The following GPHN variants were observed in gnomAD, a reference collection of about 807,000 sequenced individuals.
The protein encoded by GPHN is gephyrin.
A neutral mutation model predicts 95.5 loss-of-function variants in GPHN; 17 were observed. The observed-to-expected ratio is 0.18, with a 90% CI of 0.12 to 0.27. GPHN has a LOEUF of 0.27. Ranked by LOEUF, GPHN falls within the 10% of genes least tolerant of loss-of-function variation. The pLI is 1.00. For synonymous variants in GPHN, 320 were observed against 322.5 expected (o/e 0.99, Z 0.08); for missense variants, 660 against 978.1 (o/e 0.67, Z 4.34).
At position 66,543,538 on chromosome 14, in the gene GPHN, A is replaced by T. The variant is rs189919470; in HGVS notation, c.64+34947A>T. On this transcript the variant is annotated intron_variant, in intron 1 of 22. Coordinates refer to ENST00000478722, the MANE Select transcript of GPHN (RefSeq NM_020806.5). ...GAAACTATTCCTGAATTGTACACAT[A>T]TATACACCTATGTCTGTATCTACTT... is the stretch of plus-strand genomic sequence containing the variant. 7.3e-4 allele frequency among the ~76,000 whole-genome samples: 111 copies of T among 152,344 alleles called. 3 individuals carry two copies. The highest frequency in any genetic ancestry group is 7.3e-3 in the Admixed American group (111 of 15,306).
At chr14:67,482,624 TG>T in the GPHN span, among the ~76,000 whole-genome samples, 4 of 152,204 alleles carry the variant, frequency 2.6e-5, no homozygotes, top group East Asian at 7.7e-4. Context: ...CAGGAGCCCT[TG>T]GGCGGCTCTG....
At chr14:67,612,008 T>C in the GPHN span, among the ~76,000 whole-genome samples, 6 of 152,120 alleles carry the variant, frequency 3.9e-5, no homozygotes, top group African/African-American at 1.2e-4. Context: ...GCAGCCTAGA[T>C]CCCTCACATG....
chr14:67,674,439 G>A, the GPHN span: 14 of 1,609,702 alleles, frequency 8.7e-6, no homozygotes, highest in Non-Finnish European at 1.1e-5. Flanking sequence ...GGCCGCGGAA[G>A]ATCTCGTGCA....
chr14:66,816,418 G>A (rs2060967715), intron 3 of GPHN, among the ~76,000 whole-genome samples: 1 of 152,064 alleles, frequency 6.6e-6, no homozygotes, highest in South Asian at 2.1e-4. Flanking sequence ...ACGCTCTTGA[G>A]GAAATACAAA....
the GPHN span, chr14:67,225,110 C>A: frequency 6.4e-7 from 1 of 1,555,470 alleles, no homozygotes; most frequent in Non-Finnish European, 8.7e-7. Flanking sequence ...TTTCTTTTTT[C>A]CCTCTAGTTC....
At chr14:67,528,570 T>C in the GPHN span, among the ~76,000 whole-genome samples, 3 of 152,320 alleles carry the variant, frequency 2.0e-5, no homozygotes, top group South Asian at 4.1e-4. Flanking sequence ...TAAAATGATC[T>C]AGAATTGCAG....
chr14:67,432,167 A>G, the GPHN span, among the ~76,000 whole-genome samples: 8 of 152,224 alleles, frequency 5.3e-5, no homozygotes, highest in African/African-American at 1.9e-4. Context: ...GTCGGATCCC[A>G]GCAACAACTC....
intron 11 of GPHN, among the ~76,000 whole-genome samples, chr14:67,067,323 G>T (rs545744364): frequency 6.6e-6 from 1 of 152,256 alleles, no homozygotes; most frequent in South Asian, 2.1e-4. Flanking sequence ...TCCTCTGGAA[G>T]CTTCATCCCA....
intron 5 of GPHN, among the ~76,000 whole-genome samples, chr14:66,904,886 A>G (rs2065300407): frequency 6.6e-6 from 1 of 152,042 alleles, no homozygotes; most frequent in African/African-American, 2.4e-5. Flanking sequence ...TGATTATTGT[A>G]TGCCTTGGAG....
chr14:67,182,103 AT>A (rs1390294218), downstream of GPHN, among the ~76,000 whole-genome samples: 1 of 152,218 alleles, frequency 6.6e-6, no homozygotes, highest in Admixed American at 6.5e-5. Context: ...TAGAAAAAAA[AT>A]AATTCTTATT....
chr14:66,541,756 A>G (rs188158814), intron 1 of GPHN, among the ~76,000 whole-genome samples: 5 of 152,312 alleles, frequency 3.3e-5, no homozygotes, highest in Admixed American at 2.6e-4. Context: ...TTAGTTTTGC[A>G]TTAGGTTCAT....
At chr14:67,636,390 C>A in the GPHN span, among the ~76,000 whole-genome samples, 1 of 152,238 alleles carries the variant, frequency 6.6e-6, no homozygotes, top group Non-Finnish European at 1.5e-5. Flanking sequence ...GAAATTCTTC[C>A]TCTGCAATGT....
At chr14:67,232,844 G>C in the GPHN span, among the ~76,000 whole-genome samples, 2 of 152,148 alleles carry the variant, frequency 1.3e-5, no homozygotes, top group Non-Finnish European at 2.9e-5. Context: ...CTTGTGTGCT[G>C]TTCTGCCTTC....
At chr14:66,559,761 A>G (rs914592414) in intron 1 of GPHN, among the ~76,000 whole-genome samples, 1 of 151,590 alleles carries the variant, frequency 6.6e-6, no homozygotes, top group Non-Finnish European at 1.5e-5. Flanking sequence ...CCATTTGTCA[A>G]TTTTGGCTTT....
chr14:67,364,914 T>C, the GPHN span: 1 of 1,613,968 alleles, frequency 6.2e-7, no homozygotes, highest in African/African-American at 1.3e-5. Context: ...TTCTTCTTAG[T>C]GAATTATCCA....
At chr14:66,780,455 AT>A (rs1031381154) in intron 3 of GPHN, among the ~76,000 whole-genome samples, 1 of 152,058 alleles carries the variant, frequency 6.6e-6, no homozygotes, top group Non-Finnish European at 1.5e-5. Flanking sequence ...ATATTATTTA[AT>A]TAGTTTAATT....
At chr14:67,132,980 C>T (rs1014893000) in intron 17 of GPHN, among the ~76,000 whole-genome samples, 3 of 151,872 alleles carry the variant, frequency 2.0e-5, no homozygotes, top group African/African-American at 7.3e-5. Flanking sequence ...GTTTTCTGCA[C>T]TAGCTTATAA....
chr14:67,466,648 C>A, the GPHN span, among the ~76,000 whole-genome samples: 32 of 152,172 alleles, frequency 2.1e-4, no homozygotes, highest in Non-Finnish European at 4.6e-4. Context: ...GCACTGTACC[C>A]AGCTAGGCAC....
intron 17 of GPHN, among the ~76,000 whole-genome samples, chr14:67,139,308 C>T (rs1478575428): frequency 1.3e-5 from 2 of 151,996 alleles, no homozygotes; most frequent in Admixed American, 1.3e-4. Context: ...GATAATAGCT[C>T]GCTGCAGTCT....
Sources: allele counts gnomAD v4.1 joint callset (sites outside exome capture counted in the v4.1 genomes callset), GRCh38; gene constraint gnomAD v4.1.1; transcripts MANE v1.5; gene names NCBI Gene and HGNC (gene_info 2026-07-23, HGNC 2026-07-21).